The following SLIT3 variants were observed in gnomAD, a reference collection of about 807,000 sequenced individuals.
SLIT3 encodes slit guidance ligand 3.
A neutral mutation model predicts 184.0 loss-of-function variants in SLIT3; 68 were observed. The ratio of observed to expected loss-of-function variants is 0.37; its 90% CI spans 0.30 to 0.45. The LOEUF is 0.45. Among genes scored for constraint, SLIT3 ranks in the 20% least tolerant of loss-of-function variants. The probability of loss-of-function intolerance (pLI) is 1.00; values close to 1 mark genes in which losing one functional copy is unlikely to be tolerated. For synonymous variants in SLIT3, 831 were observed against 828.6 expected (o/e 1.00, Z -0.05); for missense variants, 1,707 against 2,026.0 (o/e 0.84, Z 3.02).
At chr5:169,054,922 C>CCA (rs1757941953) in intron 4 of SLIT3, among the ~76,000 whole-genome samples, 1 of 152,084 alleles carries the variant, frequency 6.6e-6, no homozygotes, top group African/African-American at 2.4e-5. Flanking sequence ...CTGGTTCTTC[C>CCA]CACATTGAAC....
chr5:168,684,090 T>C lies in SLIT3; in HGVS notation c.3562A>G (p.Thr1188Ala). ...AGAAGGATGCCGTTGTCCTTGTCAGTGGCCACCTGGAGAAAGCAGCCGGGG... is the reference window on the plus strand; with the variant it reads ...AGAAGGATGCCGTTGTCCTTGTCAGCGGCCACCTGGAGAAAGCAGCCGGGG... ...PQANISLQVA[T>A]DKDNGILLYK... Residue 1188 changes from threonine to alanine, a missense_variant, in exon 32 of 36, where the codon ACT becomes GCT. By Grantham distance (58) the Thr-to-Ala change is moderately conservative. Transcript: ENST00000519560. 1 of 1,595,554 alleles carries C rather than the reference T, an allele frequency of 6.3e-7. No individual in the cohort carries two copies. Among genetic ancestry groups the C allele is most frequent in the Non-Finnish European group, 8.5e-7 (1 of 1,169,770 alleles).
intron 23 of SLIT3, among the ~76,000 whole-genome samples, chr5:168,719,340 C>T (rs906894065): frequency 5.9e-5 from 9 of 152,228 alleles, no homozygotes; most frequent in Admixed American, 5.2e-4. Flanking sequence ...GCGTGAGCCA[C>T]CATGCCCGGT....
intron 14 of SLIT3, 138 bp from the exon 15 acceptor site, chr5:168,762,827 G>A (rs1000993836): frequency 5.0e-6 from 4 of 800,064 alleles, no homozygotes; most frequent in Non-Finnish European, 8.2e-6. Context: ...ACACGGCATC[G>A]CCTTTGCTAT....
intron 4 of SLIT3, among the ~76,000 whole-genome samples, chr5:169,080,498 G>T (rs1021981956): frequency 6.6e-6 from 1 of 152,132 alleles, no homozygotes; most frequent in African/African-American, 2.4e-5. Context: ...CCTGTGAGCA[G>T]GGGATTTGAT....
chr5:168,687,128 G>A lies in SLIT3; in HGVS notation c.3177-12C>T, dbSNP rs747122317. 4 of 1,612,108 alleles carry A rather than the reference G, an allele frequency of 2.5e-6. No individual in the cohort carries two copies. The East Asian group carries it at 8.9e-5, about 36-fold the overall frequency. ...GGACACACTCGCAGCTGGAACATAG[G>A]CAGAGGCAAGGCCGTTCCTCAAGGC... On this transcript the variant is annotated splice_polypyrimidine_tract_variant and intron_variant, in intron 29 of 35. Transcript: ENST00000519560.
intron 9 of SLIT3, among the ~76,000 whole-genome samples, chr5:168,801,628 T>C (rs1160308555): frequency 2.0e-5 from 3 of 152,174 alleles, no homozygotes; most frequent in African/African-American, 7.2e-5. Context: ...TCCAGAGCTT[T>C]TGAAGACTCA....
chr5:169,139,487 G>C (rs1185638279), intron 4 of SLIT3, among the ~76,000 whole-genome samples: 1 of 152,144 alleles, frequency 6.6e-6, no homozygotes, highest in East Asian at 1.9e-4. Flanking sequence ...GAGCATGCCT[G>C]GGTTACACAG....
chr5:169,300,395 G>A lies in SLIT3; in HGVS notation c.197+118C>T. The A allele has an allele frequency of 8.1e-7, 1 of 1,231,668 alleles. No individual in the cohort carries two copies. Among genetic ancestry groups the A allele is most frequent in the Non-Finnish European group, 1.0e-6 (1 of 953,462 alleles). The allele number at this position is 1,231,668 out of a possible 1,614,324, so 76.3% of individuals were successfully genotyped here. A position where few individuals can be genotyped will look rare whatever the true frequency, so the allele number is the denominator to read the frequency against. ...AGAGTGAGGGATCGTATCCAGGAAG[G>A]GATGAGAATAGAGACTGCATCCAGG... On this transcript the variant is annotated intron_variant, in intron 1 of 35. Transcript: ENST00000519560. This position sits in a 1 kb window ranked among gnomAD's most constrained non-coding sequence, Gnocchi z 4.1.
At chr5:169,212,279 C>G (rs1283157286) in intron 3 of SLIT3, among the ~76,000 whole-genome samples, 1 of 152,198 alleles carries the variant, frequency 6.6e-6, no homozygotes, top group African/African-American at 2.4e-5. Flanking sequence ...TCTCCAGCAC[C>G]TGTTGTTTCC....
At chr5:169,263,511 C>G in intron 1 of SLIT3, 1 of 407,508 alleles carries the variant, frequency 2.5e-6, no homozygotes, top group South Asian at 1.8e-5. Context: ...CAGAAGGAGC[C>G]TGGCCCTGAT....
chr5:168,973,201 T>C (rs13165487), intron 4 of SLIT3, among the ~76,000 whole-genome samples: 60,113 of 152,014 alleles, frequency 0.4, 12,085 homozygotes, highest in Admixed American at 0.43. Flanking sequence ...AGCAAAACCA[T>C]CTAGAAATAA....
chr5:168,739,388 A>G (rs932112253), intron 20 of SLIT3, among the ~76,000 whole-genome samples: 1 of 151,820 alleles, frequency 6.6e-6, no homozygotes, highest in Non-Finnish European at 1.5e-5. Context: ...ACCTGAAAAG[A>G]CTATTAAAGT....
chr5:168,791,321 TG>T (rs1756359312), intron 10 of SLIT3: 3 of 152,260 alleles, frequency 2.0e-5, no homozygotes, highest in Admixed American at 2.0e-4. Context: ...GAGGGCAAAC[TG>T]GTTTTCAGTC....
At chr5:169,119,685 T>A (rs1200935347) in intron 4 of SLIT3, among the ~76,000 whole-genome samples, 1 of 152,110 alleles carries the variant, frequency 6.6e-6, no homozygotes, top group African/African-American at 2.4e-5. Flanking sequence ...GAAGAACGTG[T>A]CTTTGGCTAA....
At chr5:168,717,905 C>A (rs1398740946) in intron 23 of SLIT3, among the ~76,000 whole-genome samples, 2 of 152,126 alleles carry the variant, frequency 1.3e-5, no homozygotes, top group African/African-American at 2.4e-5. Flanking sequence ...CATGATCCAC[C>A]CGCCTCGGCC....
At chr5:169,087,662 T>C (rs568359158) in intron 4 of SLIT3, among the ~76,000 whole-genome samples, 21 of 152,358 alleles carry the variant, frequency 1.4e-4, no homozygotes, top group African/African-American at 4.6e-4. Flanking sequence ...GATCTCAGTA[T>C]GTTTTTTGTT....
chr5:168,954,706 AG>A (rs1762763411), intron 4 of SLIT3, among the ~76,000 whole-genome samples: 1 of 152,208 alleles, frequency 6.6e-6, no homozygotes, highest in Non-Finnish European at 1.5e-5. Context: ...GCTCAAACTC[AG>A]GCTAATTGGG....
At chr5:169,043,619 G>A (rs559327142) in intron 4 of SLIT3, among the ~76,000 whole-genome samples, 7 of 152,328 alleles carry the variant, frequency 4.6e-5, no homozygotes, top group African/African-American at 1.7e-4. Context: ...TTTTTGAGTA[G>A]CAGGCCTTGA....
At chr5:169,040,536 C>A (rs1581341692) in intron 4 of SLIT3, among the ~76,000 whole-genome samples, 1 of 152,230 alleles carries the variant, frequency 6.6e-6, no homozygotes, top group African/African-American at 2.4e-5. Context: ...CCCTTGACAA[C>A]TTAATTTCCT....
Sources: gnomAD v4.1 joint callset for allele counts (sites outside exome capture counted in the v4.1 genomes callset) on GRCh38, gnomAD v4.1.1 for gene constraint, Gnocchi (gnomAD v3.1) non-coding constraint, MANE v1.5 for transcripts, NCBI Gene and HGNC (gene_info 2026-07-23, HGNC 2026-07-21) for gene names.